CEP162: variants seen among roughly 807,000 people sequenced by gnomAD.
The protein encoded by CEP162 is centrosomal protein of 162 kDa.
A neutral mutation model predicts 169.2 loss-of-function variants in CEP162; 141 were observed. That is an observed-to-expected ratio of 0.83 (90% CI 0.73 to 0.96). The LOEUF is 0.96. Among genes scored for constraint, CEP162 ranks in the 40% least tolerant of loss-of-function variants. CEP162 has a pLI of 0.00. For synonymous variants in CEP162, 540 were observed against 526.4 expected (o/e 1.03, Z -0.35); for missense variants, 1,600 against 1,587.2 (o/e 1.01, Z -0.14).
At chr6:84,167,439 T>A (rs2099528255) in intron 18 of CEP162, among the ~76,000 whole-genome samples, 1 of 152,184 alleles carries the variant, frequency 6.6e-6, no homozygotes, top group Admixed American at 6.6e-5. Flanking sequence ...TTAAGTCTAT[T>A]TATTTTATAG....
Position 84,155,443 on chromosome 6 carries a change from G to A in CEP162, c.2849C>T (p.Ala950Val). 1 of 1,612,518 alleles carries A rather than the reference G, an allele frequency of 6.2e-7. No individual in the cohort carries two copies. The highest frequency in any genetic ancestry group is 8.5e-7 in the Non-Finnish European group (1 of 1,178,738). The change falls in exon 22 of 27, where the codon GCA (alanine) becomes GTA (valine). Residue 950 changes from alanine to valine, a missense_variant. Physicochemically the swap from Ala to Val is moderately conservative, Grantham distance 64 (BLOSUM62 0). Coordinates refer to ENST00000403245, the MANE Select transcript of CEP162 (RefSeq NM_014895.4). ...ATCCACTGTATCACCAGCTGCTGAT[G>A]CAGCCAATATTAAAGCAGGTAAAGA... Reference protein sequence around the residue: ...PNSLPALILAASAAGDTVDKN... With the variant: ...PNSLPALILAVSAAGDTVDKN...
In CEP162 at chr6:84,153,106, C is replaced by G; in HGVS notation, c.3068G>C (p.Arg1023Thr). ...ACKLNQHDSP[R>T]IKALEKELDD... ...AAGTTCCTTCTCTAGGGCTTTAATT[C>G]TGGGAGAGTCATGTTGATTCAATTT... The change falls in exon 23 of 27, where the codon AGA becomes ACA. Residue 1023 changes from arginine (R) to threonine (T), a missense_variant. Coordinates refer to ENST00000403245, the MANE Select transcript of CEP162 (RefSeq NM_014895.4). The G allele has an allele frequency of 6.2e-7, 1 of 1,612,786 alleles. No individual in the cohort carries two copies. Among genetic ancestry groups the G allele is most frequent in the Non-Finnish European group, 8.5e-7 (1 of 1,179,506 alleles).
At chr6:84,190,123 T>C (rs1382333273) in intron 11 of CEP162, among the ~76,000 whole-genome samples, 2 of 151,984 alleles carry the variant, frequency 1.3e-5, no homozygotes, top group Non-Finnish European at 2.9e-5. Flanking sequence ...GGATTGTAAA[T>C]ACACCAGTCA....
At chr6:84,164,005 CAA>C (rs537600830) in intron 18 of CEP162, among the ~76,000 whole-genome samples, 1,268 of 83,370 alleles carry the variant, frequency 0.015, 24 homozygotes, top group African/African-American at 0.04. Flanking sequence ...AACAAATTTA[CAA>C]AAAAAAAAAA....
At chr6:84,170,425 A>G (rs1310896157) in intron 17 of CEP162, among the ~76,000 whole-genome samples, 3 of 150,378 alleles carry the variant, frequency 2.0e-5, no homozygotes, top group African/African-American at 7.4e-5. Context: ...GCATTCATGC[A>G]TTACCACTGT....
intron 25 of CEP162, among the ~76,000 whole-genome samples, chr6:84,140,261 T>C (rs1193954107): frequency 6.6e-6 from 1 of 152,068 alleles, no homozygotes; most frequent in Non-Finnish European, 1.5e-5. Context: ...TTTCAAACTT[T>C]GTTGTTTGGT....
At position 84,186,633 on chromosome 6, in the gene CEP162, A is replaced by T; in HGVS notation, c.1110-10T>A. The stretch of plus-strand genomic sequence containing the variant: ...GGCCACTTTCTCAGAGCTATAAAAC[A>T]AAACAGGACACAGATAATGAACCCT... On this transcript the variant is annotated splice_polypyrimidine_tract_variant and intron_variant, in intron 11 of 26. Coordinates refer to ENST00000403245, the MANE Select transcript of CEP162 (RefSeq NM_014895.4). 2 of 1,587,546 alleles carry T rather than the reference A, an allele frequency of 1.3e-6. No individual in the cohort carries two copies. The highest frequency in any genetic ancestry group is 1.7e-6 in the Non-Finnish European group (2 of 1,170,528).
chr6:84,139,863 GAGA>G (rs1279834002), intron 25 of CEP162, among the ~76,000 whole-genome samples: 1 of 149,234 alleles, frequency 6.7e-6, no homozygotes, highest in South Asian at 2.1e-4. Flanking sequence ...CATTTGTTGT[GAGA>G]AGGAGAATCA....
chr6:84,155,108 G>GA (rs1370536964), intron 22 of CEP162, among the ~76,000 whole-genome samples, 190 bp downstream of exon 22: 1 of 152,124 alleles, frequency 6.6e-6, no homozygotes. Flanking sequence ...TACTCTGTCA[G>GA]AAATAGAAAA....
intron 17 of CEP162, among the ~76,000 whole-genome samples, chr6:84,170,969 A>G (rs2099529879): frequency 1.3e-5 from 2 of 152,152 alleles, no homozygotes; most frequent in South Asian, 4.1e-4. Flanking sequence ...TCCTTTCCAC[A>G]GTACACTCCG....
intron 6 of CEP162, among the ~76,000 whole-genome samples, chr6:84,206,996 A>C (rs1263538372): frequency 6.6e-6 from 1 of 152,256 alleles, no homozygotes; most frequent in Non-Finnish European, 1.5e-5. Flanking sequence ...GTCATCAGAG[A>C]AATGCAAATC....
chr6:84,222,084 T>A (rs1394135754), intron 2 of CEP162, among the ~76,000 whole-genome samples: 1 of 151,648 alleles, frequency 6.6e-6, no homozygotes, highest in Non-Finnish European at 1.5e-5. Flanking sequence ...AACAAAAAAA[T>A]TCCTTATCCC....
chr6:84,218,262 C>A (rs573367850), intron 3 of CEP162, among the ~76,000 whole-genome samples: 24 of 152,128 alleles, frequency 1.6e-4, no homozygotes, highest in Non-Finnish European at 2.9e-4. Context: ...ATGGGAGGGG[C>A]AGGCCACATT....
At chr6:84,127,613 C>A (rs904449432) in intron 25 of CEP162, among the ~76,000 whole-genome samples, 1 of 152,058 alleles carries the variant, frequency 6.6e-6, no homozygotes, top group African/African-American at 2.4e-5. Flanking sequence ...ACTAAGAAAG[C>A]TGATAAAGGC....
At position 84,187,001 on chromosome 6, in the gene CEP162, G is replaced by A. The variant is rs560523120; in HGVS notation, c.1110-378C>T. On this transcript the variant is annotated intron_variant, in intron 11 of 26. Coordinates refer to ENST00000403245, the MANE Select transcript of CEP162 (RefSeq NM_014895.4). ...CTACAATTTCTTATAAAGTCGACAT[G>A]CATTTGAAATAAGAAAAACATTTTA... Among the ~76,000 whole-genome samples the A allele has an allele frequency of 3.3e-5, 5 of 152,188 alleles. No homozygotes were observed. In the South Asian group the frequency reaches 1.0e-3, roughly 32 times the overall value.
At chr6:84,201,669 T>A in intron 8 of CEP162, 68 bp downstream of exon 8, 1 of 776,408 alleles carries the variant, frequency 1.3e-6, no homozygotes, top group African/African-American at 1.8e-5. Context: ...TCATTCAGAA[T>A]TACTGAGATG....
chr6:84,154,379 C>CTAT (rs1562020180), intron 22 of CEP162, among the ~76,000 whole-genome samples: 408 of 124,818 alleles, frequency 3.3e-3, no homozygotes, highest in African/African-American at 0.013. Context: ...TATCTATCTA[C>CTAT]CTATCTATCT....
intron 22 of CEP162, among the ~76,000 whole-genome samples, chr6:84,154,461 TA>T: frequency 6.6e-6 from 1 of 152,084 alleles, no homozygotes; most frequent in African/African-American, 2.4e-5. Flanking sequence ...TGACCTTAAT[TA>T]ACAGGCCACT....
chr6:84,149,812 T>A (rs772206511), intron 23 of CEP162, 109 bp from the exon 24 acceptor site: 121 of 872,442 alleles, frequency 1.4e-4, no homozygotes, highest in Non-Finnish European at 1.9e-4. Context: ...AAGGGGAAAA[T>A]GGGCACCAAT....
Sources: gnomAD v4.1 joint callset for allele counts (sites outside exome capture counted in the v4.1 genomes callset) on GRCh38, gnomAD v4.1.1 for gene constraint, MANE v1.5 for transcripts, NCBI Gene and HGNC (gene_info 2026-07-23, HGNC 2026-07-21) for gene names.